Variants in EBF2 observed in about 807,000 individuals in gnomAD.
EBF2 encodes transcription factor COE2.
Under a neutral mutation model 72.8 loss-of-function variants are expected in EBF2, and 21 were observed. The ratio of observed to expected loss-of-function variants is 0.29; its 90% confidence interval spans 0.20 to 0.42. The LOEUF (loss-of-function observed/expected upper bound fraction) is 0.42, where lower values mean the gene tolerates loss of function less well. Ranked by LOEUF, EBF2 falls within the 10% of genes least tolerant of loss-of-function variation. The probability of loss-of-function intolerance (pLI) is 1.00; values close to 1 mark genes in which losing one functional copy is unlikely to be tolerated. For synonymous variants in EBF2, 299 were observed against 274.2 expected, an observed-to-expected ratio of 1.09 and a Z score of -0.89; for missense variants, 637 against 731.2, an observed-to-expected ratio of 0.87 and a Z score of 1.49.
At chr8:25,915,132 C>A (rs979068647) in intron 6 of EBF2, among the ~76,000 whole-genome samples, 3 of 152,134 alleles carry the variant, frequency 2.0e-5, no homozygotes, top group Non-Finnish European at 4.4e-5. Flanking sequence ...AAATTAACAT[C>A]TCCACCTTAC....
chr8:25,866,618 A>ATT (rs1563381448), intron 10 of EBF2, among the ~76,000 whole-genome samples: 5 of 122,136 alleles, frequency 4.1e-5, no homozygotes, highest in African/African-American at 1.9e-4. Flanking sequence ...TTTATATTAT[A>ATT]TTATATATAT....
At chr8:25,904,034 C>A (rs996266279) in intron 7 of EBF2, among the ~76,000 whole-genome samples, 7 of 152,094 alleles carry the variant, frequency 4.6e-5, no homozygotes, top group African/African-American at 1.4e-4. Context: ...GTGGACAGAT[C>A]CCCACTGTTA....
At chr8:25,994,841 A>C (rs889476105) in intron 6 of EBF2, among the ~76,000 whole-genome samples, 26 of 152,230 alleles carry the variant, frequency 1.7e-4, no homozygotes, top group African/African-American at 6.0e-4. Context: ...CACTACCTGG[A>C]TGACAGAATA....
At chr8:25,949,379 T>A (rs959069454) in intron 6 of EBF2, among the ~76,000 whole-genome samples, 5 of 152,188 alleles carry the variant, frequency 3.3e-5, no homozygotes, top group Non-Finnish European at 7.3e-5. Flanking sequence ...TTTTTAAAAA[T>A]TTTGTTATAT....
At chr8:25,912,845 T>C (rs1387827127) in intron 6 of EBF2, among the ~76,000 whole-genome samples, 2 of 152,200 alleles carry the variant, frequency 1.3e-5, no homozygotes, top group Non-Finnish European at 2.9e-5. Flanking sequence ...TACTGGAATA[T>C]CCTGTACTAT....
intron 1 of EBF2, among the ~76,000 whole-genome samples, chr8:26,043,087 C>T (rs1010382683): frequency 1.3e-5 from 2 of 152,236 alleles, no homozygotes; most frequent in Non-Finnish European, 2.9e-5. Flanking sequence ...CGGCGCCAGC[C>T]GAACCCAGTG....
At chr8:25,976,302 A>C (rs1310761258) in intron 6 of EBF2, among the ~76,000 whole-genome samples, 1 of 152,262 alleles carries the variant, frequency 6.6e-6, no homozygotes, top group Non-Finnish European at 1.5e-5. Flanking sequence ...AGATCCGTAA[A>C]ATTTTGCCAA....
chr8:26,014,960 A>T (rs951583443), intron 6 of EBF2, among the ~76,000 whole-genome samples: 1 of 152,258 alleles, frequency 6.6e-6, no homozygotes, highest in Non-Finnish European at 1.5e-5. Flanking sequence ...CTACCTAATT[A>T]TACTGATATA....
intron 6 of EBF2, among the ~76,000 whole-genome samples, chr8:25,920,305 GT>G (rs879410772): frequency 3.9e-5 from 6 of 152,238 alleles, no homozygotes; most frequent in Non-Finnish European, 7.3e-5. Flanking sequence ...GTGCACGTCT[GT>G]TTTTATAAAG....
At chr8:25,921,066 C>G (rs554855940) in intron 6 of EBF2, among the ~76,000 whole-genome samples, 7 of 113,384 alleles carry the variant, frequency 6.2e-5, no homozygotes, top group Non-Finnish European at 1.5e-4. Flanking sequence ...GTACATATAA[C>G]CTTTGTGCCA....
At chr8:25,867,632 C>A (rs1435977758) in intron 10 of EBF2, among the ~76,000 whole-genome samples, 1 of 152,212 alleles carries the variant, frequency 6.6e-6, no homozygotes, top group African/African-American at 2.4e-5. Context: ...GCAACTTCAT[C>A]AATTCTCCAT....
chr8:25,889,621 T>TAAAA, intron 8 of EBF2, 131 bp downstream of exon 8: 2 of 572,404 alleles, frequency 3.5e-6, no homozygotes, highest in Non-Finnish European at 5.9e-6. Context: ...CAACTTCGTT[T>TAAAA]AAAAAAAAAA....
intron 6 of EBF2, among the ~76,000 whole-genome samples, chr8:25,979,873 A>G (rs1804331025): frequency 6.6e-6 from 1 of 152,174 alleles, no homozygotes; most frequent in Non-Finnish European, 1.5e-5. Context: ...TTTAAATCTT[A>G]TTAAACAATA....
chr8:25,891,751 T>C (rs1802785362), intron 7 of EBF2, among the ~76,000 whole-genome samples: 1 of 152,102 alleles, frequency 6.6e-6, no homozygotes, highest in Non-Finnish European at 1.5e-5. Flanking sequence ...CTAATTTTTG[T>C]ATTTTCAGTA....
intron 10 of EBF2, among the ~76,000 whole-genome samples, chr8:25,865,750 G>A (rs1802299715): frequency 1.3e-5 from 2 of 150,968 alleles, no homozygotes; most frequent in Non-Finnish European, 3.0e-5. Context: ...ACCAGGCCAG[G>A]CGCAGTGACT....
chr8:25,958,848 T>C (rs1803991316), intron 6 of EBF2, among the ~76,000 whole-genome samples: 1 of 152,222 alleles, frequency 6.6e-6, no homozygotes, highest in Non-Finnish European at 1.5e-5. Flanking sequence ...AGGTCTAGTT[T>C]TATTATGACT....
In EBF2 at chr8:25,926,442, G is replaced by C. The variant is rs151299815; in HGVS notation, c.552-17887C>G. ...ATTGCTTAGATGAGATGATGATCAA[G>C]TCTCTAAGGAAATAGCTCAGAAAGG... is the stretch of plus-strand genomic sequence containing the variant. On this transcript the variant is annotated intron_variant, in intron 6 of 15. Transcript: ENST00000520164. Among the ~76,000 whole-genome samples, 26 of 152,294 alleles carry C rather than the reference G, an allele frequency of 1.7e-4. No homozygotes were observed. The East Asian group carries it at 4.6e-3, about 27-fold the overall frequency.
chr8:26,039,008 C>A (rs79682111), intron 5 of EBF2, among the ~76,000 whole-genome samples: 1 of 152,256 alleles, frequency 6.6e-6, no homozygotes, highest in East Asian at 1.9e-4. Flanking sequence ...GAGACTTTCC[C>A]TCCAATCAAA....
intron 6 of EBF2, among the ~76,000 whole-genome samples, chr8:25,998,391 G>T (rs944969544): frequency 6.6e-6 from 1 of 152,160 alleles, no homozygotes; most frequent in Non-Finnish European, 1.5e-5. Context: ...AATCTTTCTC[G>T]CACTATTTCA....
Sources: gnomAD v4.1 joint callset for allele counts (sites outside exome capture counted in the v4.1 genomes callset) on GRCh38, gnomAD v4.1.1 for gene constraint, MANE v1.5 for transcripts, NCBI Gene and HGNC (gene_info 2026-07-23, HGNC 2026-07-21) for gene names.